The following CTNND1 variants were observed in gnomAD, a reference collection of about 807,000 sequenced individuals.
The protein encoded by CTNND1 is catenin delta-1.
Under a neutral mutation model 112.1 loss-of-function variants are expected in CTNND1, and 16 were observed. That is an observed-to-expected ratio of 0.14 (90% CI 0.10 to 0.22). CTNND1 has a LOEUF of 0.22. Ranked by LOEUF, CTNND1 falls within the 10% of genes least tolerant of loss-of-function variation. The pLI, the probability that CTNND1 is intolerant of heterozygous loss-of-function variation, is 1.00. For synonymous variants in CTNND1, 420 were observed against 446.5 expected, an observed-to-expected ratio of 0.94 and a Z score of 0.75; for missense variants, 1,008 against 1,257.0, an observed-to-expected ratio of 0.80 and a Z score of 3.00.
In CTNND1 at chr11:57,819,310, T is replaced by G. The variant is rs1205011597; in HGVS notation, c.*3002T>G. 1 of 152,160 alleles carries G rather than the reference T, an allele frequency of 6.6e-6. No individual in the cohort carries two copies. Among genetic ancestry groups the G allele is most frequent in the Non-Finnish European group, 1.5e-5 (1 of 68,032 alleles). The allele number at this position is 152,160 out of a possible 1,614,324, so 9.4% of individuals were successfully genotyped here. ...AACAATTGTAGTGTTAGATTAGAGG[T>G]TGAAGTACAAAGCCAAAAAGCTATT... On this transcript the variant is annotated 3_prime_UTR_variant, in exon 21 of 21. Coordinates refer to ENST00000399050, the MANE Select transcript of CTNND1 (RefSeq NM_001085458.2).
chr11:57,813,197 T>A (rs568194010), intron 17 of CTNND1, among the ~76,000 whole-genome samples: 1 of 152,170 alleles, frequency 6.6e-6, no homozygotes, highest in South Asian at 2.1e-4. Flanking sequence ...GGTGGCACAT[T>A]CCTGTAGTCC....
chr11:57,808,135 AC>A (rs751141872), intron 12 of CTNND1, 29 bp from the exon 13 acceptor site: 3 of 1,598,686 alleles, frequency 1.9e-6, no homozygotes, highest in East Asian at 4.5e-5. Context: ...ACTGATTAGC[AC>A]CCTCTGCTTC....
intron 11 of CTNND1, 192 bp from the exon 12 acceptor site, chr11:57,806,723 T>C (rs1341958103): frequency 3.2e-6 from 2 of 632,420 alleles, no homozygotes; most frequent in East Asian, 5.5e-5. Context: ...ATCTTACCTA[T>C]CTGCTGCCTG....
Position 57,791,505 on chromosome 11 carries a change from C to T in CTNND1, c.27C>T (p.Thr9=), listed in dbSNP as rs763302617. Reference sequence around the variant, plus strand: ...TGGACGACTCAGAGGTGGAGTCGACCGCCAGCATCTTGGCCTCTGTGAAGG... The same window carrying T: ...TGGACGACTCAGAGGTGGAGTCGACTGCCAGCATCTTGGCCTCTGTGAAGG... MDDSEVES[T]ASILASVKEQ... Residue 9 remains threonine, a synonymous_variant, in exon 3 of 21, where the codon ACC becomes ACT. Coordinates refer to ENST00000399050, the MANE Select transcript of CTNND1 (RefSeq NM_001085458.2). The T allele has an allele frequency of 1.2e-5, 19 of 1,570,606 alleles. No individual in the cohort carries two copies. The highest frequency in any genetic ancestry group is 4.1e-5 in the African/African-American group (3 of 73,188).
Position 57,818,962 on chromosome 11 carries a change from G to A in CTNND1, c.*2654G>A, listed in dbSNP as rs554102105. 1 of 152,198 alleles carries A rather than the reference G, an allele frequency of 6.6e-6. No homozygotes were observed. The highest frequency in any genetic ancestry group is 1.5e-5 in the Non-Finnish European group (1 of 68,038). The allele number at this position is 152,198 out of a possible 1,614,324, so 9.4% of individuals were successfully genotyped here. On this transcript the variant is annotated 3_prime_UTR_variant, in exon 21 of 21. Coordinates refer to ENST00000399050, the MANE Select transcript of CTNND1 (RefSeq NM_001085458.2). ...CAGGCTATATGCAGTCCTTTAGTCA[G>A]AAGTCAATAGGCCTATTTATTAATA...
intron 2 of CTNND1, among the ~76,000 whole-genome samples, chr11:57,790,199 G>T (rs1394656129): frequency 2.0e-5 from 3 of 151,626 alleles, no homozygotes; most frequent in African/African-American, 7.3e-5. Context: ...CTCATGCCTC[G>T]GCTGGGATTA....
chr11:57,806,601 G>A, intron 11 of CTNND1, 123 bp downstream of exon 11: 1 of 884,596 alleles, frequency 1.1e-6, no homozygotes, highest in South Asian at 1.6e-5. Context: ...AGTTGAGGAA[G>A]ACACTGAAAC....
intron 8 of CTNND1, 109 bp from the exon 9 acceptor site, chr11:57,804,554 C>A: frequency 2.5e-6 from 2 of 792,354 alleles, no homozygotes; most frequent in Non-Finnish European, 2.1e-6. Flanking sequence ...TAGGTATTTA[C>A]TATTACAGTG....
chr11:57,776,118 C>T (rs1016673376), intron 1 of CTNND1, among the ~76,000 whole-genome samples: 15 of 152,202 alleles, frequency 9.9e-5, no homozygotes, highest in African/African-American at 3.4e-4. Context: ...GCCAAGAAAG[C>T]ATTCCTTCTA....
chr11:57,783,313 A>G (rs12362406), intron 1 of CTNND1, among the ~76,000 whole-genome samples: 27,643 of 151,640 alleles, frequency 0.18, 3,080 homozygotes, highest in Middle Eastern at 0.33. Flanking sequence ...AAAACGTGGA[A>G]CATCAAGTGG....
intron 14 of CTNND1, 148 bp from the exon 15 acceptor site, chr11:57,809,126 C>T (rs1241607498): frequency 2.7e-5 from 16 of 585,154 alleles, no homozygotes; most frequent in Non-Finnish European, 4.5e-5. Flanking sequence ...GGTCCTTAGC[C>T]CTTTTGATAT....
Position 57,816,433 on chromosome 11 carries a change from A to G in CTNND1, c.*125A>G. On this transcript the variant is annotated 3_prime_UTR_variant, in exon 21 of 21. Transcript: ENST00000399050. ...AACTGCCAGGCTGCCTCCTGCCCTT[A>G]CAGCCCTAAGTGGCTGCCTTCTTTC... is the stretch of plus-strand genomic sequence containing the variant. The G allele has an allele frequency of 1.6e-6, 2 of 1,252,026 alleles. No individual in the cohort carries two copies. The highest frequency in any genetic ancestry group is 1.2e-6 in the Non-Finnish European group (1 of 864,798). The allele number at this position is 1,252,026 out of a possible 1,614,324, so 77.6% of individuals were successfully genotyped here. A position where few individuals can be genotyped will look rare whatever the true frequency, so the allele number is the denominator to read the frequency against.
intron 1 of CTNND1, among the ~76,000 whole-genome samples, chr11:57,769,989 G>T (rs776677738): frequency 6.6e-6 from 1 of 152,162 alleles, no homozygotes; most frequent in Non-Finnish European, 1.5e-5. Context: ...GTTGTTCTAT[G>T]TTGTAGTGCA....
At chr11:57,768,974 T>C (rs962787645) in intron 1 of CTNND1, among the ~76,000 whole-genome samples, 7 of 152,000 alleles carry the variant, frequency 4.6e-5, no homozygotes, top group Non-Finnish European at 1.0e-4. Context: ...TTAAGCCAAT[T>C]TCTTTGAATA....
intron 16 of CTNND1, 29 bp downstream of exon 16, chr11:57,810,252 T>C: frequency 1.3e-6 from 2 of 1,519,802 alleles, no homozygotes; most frequent in Non-Finnish European, 1.8e-6. Context: ...CCAAGACTTT[T>C]ACTTTTTTTT....
At position 57,791,438 on chromosome 11, in the gene CTNND1, C is replaced by G. The variant is rs868244330; in HGVS notation, c.-41C>G. ...TTCTCCTTCCTCTGTGATTCACCTT[C>G]CTTTTTACCCTGCCCTGCGGCGGCT... is the stretch of plus-strand genomic sequence containing the variant. On this transcript the variant is annotated 5_prime_UTR_variant, in exon 3 of 21. Coordinates refer to ENST00000399050, the MANE Select transcript of CTNND1 (RefSeq NM_001085458.2). 1 of 1,398,368 alleles carries G rather than the reference C, an allele frequency of 7.2e-7. No homozygotes were observed. The highest frequency in any genetic ancestry group is 9.4e-7 in the Non-Finnish European group (1 of 1,068,864). 86.6% of individuals were successfully genotyped at this position (1,398,368 alleles called of 1,614,324 possible).
In CTNND1 at chr11:57,809,325, A is replaced by G. The variant is rs1000163245; in HGVS notation, c.2294A>G (p.Asn765Ser). The change falls in exon 15 of 21, where the codon AAC becomes AGC. Residue 765 changes from asparagine (N) to serine (S), a missense_variant. Asn to Ser is a conservative substitution (Grantham distance 46). Transcript: ENST00000399050. The part of the protein sequence containing the change: ...LVKNLPGGQQ[N>S]SSWNFSEDTV... ...AAGAATCTGCCAGGAGGACAGCAGA[A>G]CTCCTCTTGGAATTTCTCTGAGGAC... 7 of 1,613,746 alleles carry G rather than the reference A, an allele frequency of 4.3e-6. No individual in the cohort carries two copies. Among genetic ancestry groups the G allele is most frequent in the Non-Finnish European group, 5.1e-6 (6 of 1,179,796 alleles).
intron 1 of CTNND1, among the ~76,000 whole-genome samples, chr11:57,786,947 G>T (rs1198399016): frequency 6.6e-6 from 1 of 152,136 alleles, no homozygotes; most frequent in African/African-American, 2.4e-5. Flanking sequence ...CTTCTATTTG[G>T]ACTTGACACC....
At position 57,796,452 on chromosome 11, in the gene CTNND1, T is replaced by A. The variant is rs1416714288; in HGVS notation, c.421-5T>A. 6.4e-7 allele frequency: 1 copy of A among 1,565,190 alleles called. No individual in the cohort carries two copies. Among genetic ancestry groups the A allele is most frequent in the Non-Finnish European group, 8.6e-7 (1 of 1,158,630 alleles). ...GTTTTTCTTTTTCTTGTTTCCTACT[T>A]GCAGGTCAAGAAAGTAGTGAAGACT... is the stretch of plus-strand genomic sequence containing the variant. On this transcript the variant is annotated splice_polypyrimidine_tract_variant and splice_region_variant and intron_variant, in intron 5 of 20. Transcript: ENST00000399050.
Sources: allele counts gnomAD v4.1 joint callset (sites outside exome capture counted in the v4.1 genomes callset), GRCh38; gene constraint gnomAD v4.1.1; transcripts MANE v1.5; gene names NCBI Gene and HGNC (gene_info 2026-07-23, HGNC 2026-07-21).